The following TECR variants were observed in gnomAD, a reference collection of about 807,000 sequenced individuals.
TECR encodes the protein trans-2,3-enoyl-CoA reductase.
A neutral mutation model predicts 50.6 loss-of-function variants in TECR; 19 were observed. The ratio of observed to expected loss-of-function variants is 0.38; its 90% CI spans 0.26 to 0.55. The LOEUF (loss-of-function observed/expected upper bound fraction) is 0.55. Ranked by LOEUF, TECR falls within the 20% of genes least tolerant of loss-of-function variation. TECR has a pLI of 0.79. For synonymous variants in TECR, 168 were observed against 163.5 expected (o/e 1.03, Z -0.21); for missense variants, 313 against 408.3 (o/e 0.77, Z 2.01).
intron 1 of TECR, among the ~76,000 whole-genome samples, chr19:14,553,037 G>C (rs960687339): frequency 5.3e-5 from 8 of 152,056 alleles, no homozygotes; most frequent in Non-Finnish European, 2.9e-5. Context: ...CTGAGAATGG[G>C]GGGCAGGCCC....
intron 1 of TECR, chr19:14,530,349 C>G (rs182463991): frequency 6.5e-6 from 1 of 154,030 alleles, no homozygotes; most frequent in South Asian, 1.9e-4. Flanking sequence ...TGACTCCTAA[C>G]TTGGGTCTCT....
Position 14,563,117 on chromosome 19 carries a change from C to A in TECR, c.67-89C>A. On this transcript the variant is annotated intron_variant, in intron 2 of 12. Coordinates refer to ENST00000215567, the MANE Select transcript of TECR (RefSeq NM_138501.6). This position sits in a 1 kb window ranked among gnomAD's most constrained non-coding sequence, Gnocchi z 5.3. Reference sequence around the variant, plus strand: ...CCCCCTTCCCATAGCTACAGCCCAACCCCCAGCCTGCCATCCCCTTTAGTA... The same window carrying A: ...CCCCCTTCCCATAGCTACAGCCCAAACCCCAGCCTGCCATCCCCTTTAGTA... 6.4e-7 allele frequency: 1 copy of A among 1,563,720 alleles called. No individual in the cohort carries two copies. The highest frequency in any genetic ancestry group is 8.8e-7 in the Non-Finnish European group (1 of 1,139,718).
At chr19:14,537,431 G>T (rs114498959) in intron 1 of TECR, among the ~76,000 whole-genome samples, 2,618 of 142,730 alleles carry the variant, frequency 0.018, 64 homozygotes, top group African/African-American at 0.057. Flanking sequence ...AAGCCTTCTG[G>T]ACTAACTGGT....
At chr19:14,560,866 C>T (rs534017606) in intron 1 of TECR, among the ~76,000 whole-genome samples, 31 of 152,276 alleles carry the variant, frequency 2.0e-4, no homozygotes, top group Admixed American at 5.9e-4. Flanking sequence ...TGCCTCCTAT[C>T]CCATGGGGTG....
intron 1 of TECR, among the ~76,000 whole-genome samples, chr19:14,555,218 C>T (rs2073676985): frequency 6.6e-6 from 1 of 151,542 alleles, no homozygotes. Flanking sequence ...GTAGGTAGGA[C>T]CATAGGTGCG....
intron 1 of TECR, among the ~76,000 whole-genome samples, chr19:14,549,501 G>GT (rs1462403119): frequency 2.6e-5 from 4 of 151,912 alleles, no homozygotes; most frequent in Non-Finnish European, 4.4e-5. Context: ...GTTTTTAAAA[G>GT]TTTTTGTAGA....
chr19:14,544,411 A>G (rs2073231728), intron 1 of TECR, among the ~76,000 whole-genome samples: 1 of 152,028 alleles, frequency 6.6e-6, no homozygotes, highest in Non-Finnish European at 1.5e-5. Flanking sequence ...GGACAGGCTC[A>G]GCCGTTCAGC....
At chr19:14,553,239 C>T (rs1270930530) in intron 1 of TECR, among the ~76,000 whole-genome samples, 1 of 152,178 alleles carries the variant, frequency 6.6e-6, no homozygotes, top group African/African-American at 2.4e-5. Flanking sequence ...TCTCCGGGTC[C>T]CGGGCTACCG....
chr19:14,549,358 A>T (rs111560024), intron 1 of TECR, among the ~76,000 whole-genome samples: 2 of 151,752 alleles, frequency 1.3e-5, no homozygotes, highest in African/African-American at 4.8e-5. Context: ...GACTACAGGC[A>T]TGCGCCACCA....
chr19:14,534,750 T>C (rs1015849042), intron 1 of TECR, among the ~76,000 whole-genome samples: 1 of 152,078 alleles, frequency 6.6e-6, no homozygotes, highest in Admixed American at 6.6e-5. Flanking sequence ...GGGTGAGTCT[T>C]ATTAGCACCT....
intron 1 of TECR, among the ~76,000 whole-genome samples, chr19:14,550,247 G>A (rs907051511): frequency 2.6e-5 from 4 of 152,052 alleles, no homozygotes; most frequent in Non-Finnish European, 5.9e-5. Flanking sequence ...GAGATGATTC[G>A]TGTTGAGGAT....
At chr19:14,539,750 C>T (rs67337363) in intron 1 of TECR, among the ~76,000 whole-genome samples, 31,488 of 152,020 alleles carry the variant, frequency 0.21, 3,734 homozygotes, top group African/African-American at 0.32. Context: ...TGTTACCGAG[C>T]GCTCAGCTTC....
At chr19:14,564,315 A>G (rs753230779) in intron 7 of TECR, 28 bp downstream of exon 7, 6 of 1,548,222 alleles carry the variant, frequency 3.9e-6, no homozygotes, top group Non-Finnish European at 5.2e-6. Context: ...CCTCACCCCT[A>G]AGCCCCGCCT....
At chr19:14,551,083 T>C (rs1030247771) in intron 1 of TECR, among the ~76,000 whole-genome samples, 3 of 151,956 alleles carry the variant, frequency 2.0e-5, no homozygotes, top group Non-Finnish European at 4.4e-5. Context: ...TTTTTTTTTC[T>C]TTTTTTGATA....
intron 1 of TECR, among the ~76,000 whole-genome samples, chr19:14,535,394 G>C (rs747177766): frequency 1.6e-4 from 24 of 149,646 alleles, no homozygotes; most frequent in East Asian, 5.9e-4. Flanking sequence ...TGTAGTCCCA[G>C]CTACTTGGGA....
intron 1 of TECR, among the ~76,000 whole-genome samples, chr19:14,539,930 A>T (rs1393543465): frequency 3.3e-5 from 5 of 149,408 alleles, no homozygotes; most frequent in Non-Finnish European, 7.4e-5. Flanking sequence ...CCCAGGCTGG[A>T]GTGCAGTGGT....
At chr19:14,544,391 G>A (rs1270374459) in intron 1 of TECR, among the ~76,000 whole-genome samples, 4 of 151,984 alleles carry the variant, frequency 2.6e-5, no homozygotes, top group African/African-American at 9.7e-5. Flanking sequence ...ACTGTCTTAC[G>A]GAGCACACAG....
intron 1 of TECR, among the ~76,000 whole-genome samples, chr19:14,558,268 T>C (rs1048198277): frequency 4.6e-5 from 7 of 152,118 alleles, no homozygotes; most frequent in African/African-American, 1.7e-4. Context: ...CTGTGACAAG[T>C]GCTTAGACAA....
intron 1 of TECR, among the ~76,000 whole-genome samples, chr19:14,540,207 C>T (rs1420844655): frequency 6.6e-6 from 1 of 151,808 alleles, no homozygotes; most frequent in Non-Finnish European, 1.5e-5. Flanking sequence ...GTACAGGCAC[C>T]CACCACCACG....
Sources: gnomAD v4.1 joint callset for allele counts (sites outside exome capture counted in the v4.1 genomes callset) on GRCh38, gnomAD v4.1.1 for gene constraint, Gnocchi (gnomAD v3.1) non-coding constraint, MANE v1.5 for transcripts, NCBI Gene and HGNC (gene_info 2026-07-23, HGNC 2026-07-21) for gene names.